The following AOAH variants were observed in gnomAD, a reference collection of about 807,000 sequenced individuals.
AOAH encodes acyloxyacyl hydrolase.
AOAH carries 64 observed loss-of-function variants against 92.2 expected under a neutral mutation model. That is an observed-to-expected ratio of 0.69 (90% CI 0.57 to 0.86). The LOEUF (loss-of-function observed/expected upper bound fraction) is 0.86. Ranked by LOEUF, AOAH falls within the 40% of genes least tolerant of loss-of-function variation. The pLI is 0.00. For missense variants in AOAH, 656 were observed against 694.6 expected, an observed-to-expected ratio of 0.94 and a Z score of 0.62; for synonymous variants, 263 against 254.5, an observed-to-expected ratio of 1.03 and a Z score of -0.32.
intron 20 of AOAH, among the ~76,000 whole-genome samples, chr7:36,517,168 T>TTCTCTCTC (rs1289277882): frequency 2.0e-5 from 1 of 49,288 alleles, no homozygotes; most frequent in Non-Finnish European, 4.2e-5. Context: ...CTTTCTTTCT[T>TTCTCTCTC]TCTTTCTTTC....
intron 11 of AOAH, among the ~76,000 whole-genome samples, chr7:36,595,477 G>A (rs932893891): frequency 4.6e-5 from 7 of 152,294 alleles, no homozygotes; most frequent in Non-Finnish European, 4.4e-5. Flanking sequence ...AGGCTGCAGT[G>A]AGCCATGATC....
intron 11 of AOAH, among the ~76,000 whole-genome samples, chr7:36,609,457 C>T (rs1791262951): frequency 6.6e-6 from 1 of 152,166 alleles, no homozygotes; most frequent in African/African-American, 2.4e-5. Context: ...ATGCACCTCT[C>T]TAGGCTCTTG....
intron 1 of AOAH, among the ~76,000 whole-genome samples, chr7:36,719,175 C>T (rs1343582272): frequency 6.6e-6 from 1 of 152,144 alleles, no homozygotes; most frequent in East Asian, 1.9e-4. Flanking sequence ...GGTTAGTACA[C>T]ATAAATCTTT....
At chr7:36,643,037 T>C (rs1794006824) in intron 4 of AOAH, among the ~76,000 whole-genome samples, 1 of 152,254 alleles carries the variant, frequency 6.6e-6, no homozygotes, top group Admixed American at 6.5e-5. Flanking sequence ...ATGACATTAG[T>C]ATTAACAATA....
intron 1 of AOAH, among the ~76,000 whole-genome samples, chr7:36,721,855 C>T (rs1175884709): frequency 6.6e-6 from 1 of 152,198 alleles, no homozygotes; most frequent in Non-Finnish European, 1.5e-5. Flanking sequence ...TGGAAGATGG[C>T]AAGTAATGCT....
chr7:36,673,724 AC>A (rs2116657312), intron 3 of AOAH, among the ~76,000 whole-genome samples: 1 of 152,326 alleles, frequency 6.6e-6, no homozygotes, highest in South Asian at 2.1e-4. Context: ...TCACCCAAGT[AC>A]AGGTTACCAC....
chr7:36,674,062 C>A, intron 2 of AOAH, 53 bp from the exon 3 acceptor site: 1 of 998,666 alleles, frequency 1.0e-6, no homozygotes, highest in Non-Finnish European at 1.6e-6. Context: ...ACGAATTTAA[C>A]ACACCTTAAT....
At chr7:36,653,264 G>A (rs757169930) in intron 4 of AOAH, among the ~76,000 whole-genome samples, 11 of 152,144 alleles carry the variant, frequency 7.2e-5, no homozygotes, top group African/African-American at 2.2e-4. Flanking sequence ...CTCAGGAAGT[G>A]TCCAATTTCC....
intron 12 of AOAH, among the ~76,000 whole-genome samples, chr7:36,584,338 G>C (rs1269127066): frequency 6.6e-6 from 1 of 152,164 alleles, no homozygotes; most frequent in Non-Finnish European, 1.5e-5. Context: ...CTGTATTTAA[G>C]CATTGAGGTG....
At chr7:36,520,839 C>T (rs1784071858) in intron 20 of AOAH, among the ~76,000 whole-genome samples, 1 of 152,140 alleles carries the variant, frequency 6.6e-6, no homozygotes, top group South Asian at 2.1e-4. Context: ...ATCAACTCAT[C>T]CAACTGATAC....
chr7:36,637,054 T>C (rs1309036874), intron 5 of AOAH, among the ~76,000 whole-genome samples: 1 of 152,194 alleles, frequency 6.6e-6, no homozygotes, highest in Non-Finnish European at 1.5e-5. Context: ...GCTTTAAAGA[T>C]CTACTTTTCT....
At chr7:36,573,509 G>A (rs1034931497) in intron 13 of AOAH, among the ~76,000 whole-genome samples, 1 of 152,176 alleles carries the variant, frequency 6.6e-6, no homozygotes, top group Non-Finnish European at 1.5e-5. Flanking sequence ...CCAGAGGTCA[G>A]GAGTTTGAGA....
At chr7:36,549,399 G>A (rs1386382087) in intron 14 of AOAH, 40 bp downstream of exon 14, 1 of 1,500,396 alleles carries the variant, frequency 6.7e-7, no homozygotes, top group African/African-American at 1.4e-5. Flanking sequence ...TATTCAAAAT[G>A]AGAAACCAAA....
chr7:36,567,577 A>T (rs1035080515), intron 13 of AOAH, among the ~76,000 whole-genome samples: 2 of 152,234 alleles, frequency 1.3e-5, no homozygotes, highest in African/African-American at 4.8e-5. Context: ...CTCCAGCTAA[A>T]TTCACACATT....
chr7:36,514,360 G>C, intron 20 of AOAH: 1 of 758,536 alleles, frequency 1.3e-6, no homozygotes, highest in Non-Finnish European at 2.1e-6. Flanking sequence ...CTGGGTGGGG[G>C]GTGGGATCCT....
chr7:36,722,383 A>G (rs1428396444), intron 1 of AOAH, among the ~76,000 whole-genome samples: 2 of 152,160 alleles, frequency 1.3e-5, no homozygotes, highest in African/African-American at 4.8e-5. Flanking sequence ...CTCAGCCCTG[A>G]CAACTTGCCC....
At chr7:36,651,392 A>G (rs1584033498) in intron 4 of AOAH, among the ~76,000 whole-genome samples, 1 of 152,320 alleles carries the variant, frequency 6.6e-6, no homozygotes, top group East Asian at 1.9e-4. Context: ...TGACAGAATC[A>G]TATTTGTCCT....
intron 6 of AOAH, 55 bp from the exon 7 acceptor site, chr7:36,623,305 G>A (rs1792421291): frequency 1.3e-6 from 2 of 1,503,672 alleles, no homozygotes; most frequent in African/African-American, 2.8e-5. Context: ...TAACAGTGTT[G>A]GTGAAAACAA....
chr7:36,626,784 T>A (rs1356453959), intron 6 of AOAH, among the ~76,000 whole-genome samples: 2 of 152,124 alleles, frequency 1.3e-5, no homozygotes, highest in African/African-American at 4.8e-5. Context: ...GTTTGTTTGT[T>A]TTTGTGTTTG....
Sources: gnomAD v4.1 joint callset for allele counts (sites outside exome capture counted in the v4.1 genomes callset) on GRCh38, gnomAD v4.1.1 for gene constraint, MANE v1.5 for transcripts, NCBI Gene and HGNC (gene_info 2026-07-23, HGNC 2026-07-21) for gene names.